The following ABHD17B variants were observed in gnomAD, a reference collection of about 807,000 sequenced individuals.
The protein encoded by ABHD17B is alpha/beta hydrolase domain-containing protein 17B.
A neutral mutation model predicts 26.2 loss-of-function variants in ABHD17B; 9 were observed. The ratio of observed to expected loss-of-function variants is 0.34; its 90% CI spans 0.21 to 0.60. The LOEUF (loss-of-function observed/expected upper bound fraction) is 0.60, where lower values mean the gene tolerates loss of function less well. Ranked by LOEUF, ABHD17B falls within the 20% of genes least tolerant of loss-of-function variation. The pLI, the probability that ABHD17B is intolerant of heterozygous loss-of-function variation, is 0.80. For missense variants in ABHD17B, 224 were observed against 352.1 expected, an observed-to-expected ratio of 0.64 and a Z score of 2.91; for synonymous variants, 127 against 122.3, an observed-to-expected ratio of 1.04 and a Z score of -0.25.
intron 1 of ABHD17B, 147 bp from the exon 2 acceptor site, chr9:71,875,230 C>CTT (rs5898234): frequency 0.088 from 40,642 of 459,686 alleles, 2 homozygotes; most frequent in Middle Eastern, 0.11. Context: ...TTTTTGGCTT[C>CTT]TTTTTTTTTT....
rs1191236747 is a variant in ABHD17B at position 71,870,134 on chromosome 9, C to T, written c.596G>A (p.Arg199Gln). Residue 199 changes from arginine (R) to glutamine (Q), a missense_variant, in exon 3 of 4, where the codon CGA (arginine) becomes CAA (glutamine). Coordinates refer to ENST00000333421, the MANE Select transcript of ABHD17B (RefSeq NM_001025780.3). ...ILHSPLTSGM[R>Q]VAFPDTKKTY... ...CTTCTTGGTATCAGGAAAGGCAACT[C>T]GCATTCCCGAAGTCAGAGGAGAATG... 1.9e-6 allele frequency: 3 copies of T among 1,613,698 alleles called. No individual in the cohort carries two copies. The highest frequency in any genetic ancestry group is 2.5e-6 in the Non-Finnish European group (3 of 1,179,918).
At chr9:71,907,717 G>A (rs1256590470) in intron 1 of ABHD17B, among the ~76,000 whole-genome samples, 1 of 152,098 alleles carries the variant, frequency 6.6e-6, no homozygotes, top group Non-Finnish European at 1.5e-5. Flanking sequence ...CTCCATGTTG[G>A]TCAGGCTGGT....
chr9:71,864,463 C>A (rs1033836568), downstream of ABHD17B, among the ~76,000 whole-genome samples: 15 of 152,072 alleles, frequency 9.9e-5, no homozygotes, highest in African/African-American at 3.1e-4. Context: ...TCGTGATCCA[C>A]CTGCCTCAGC....
chr9:71,894,233 T>C (rs1217818094), intron 1 of ABHD17B, among the ~76,000 whole-genome samples: 1 of 152,148 alleles, frequency 6.6e-6, no homozygotes, highest in Non-Finnish European at 1.5e-5. Flanking sequence ...TGTCCTTTCA[T>C]CTACTGATGT....
chr9:71,885,329 G>A (rs1035249018), intron 1 of ABHD17B, among the ~76,000 whole-genome samples: 6 of 151,734 alleles, frequency 4.0e-5, no homozygotes, highest in Non-Finnish European at 7.4e-5. Flanking sequence ...GCGTGGAGGC[G>A]TACACCTGTC....
chr9:71,865,081 C>A (rs377356028), downstream of ABHD17B: 17 of 881,904 alleles, frequency 1.9e-5, no homozygotes, highest in Non-Finnish European at 2.3e-5. Context: ...CCTATAAAAA[C>A]GAAGGGTAAT....
intron 2 of ABHD17B, among the ~76,000 whole-genome samples, chr9:71,874,132 C>G (rs1291531244): frequency 6.6e-6 from 1 of 151,954 alleles, no homozygotes; most frequent in Non-Finnish European, 1.5e-5. Flanking sequence ...ATATCACACT[C>G]CAATAAGAAA....
chr9:71,878,216 C>G (rs2132147949), intron 1 of ABHD17B, among the ~76,000 whole-genome samples: 1 of 151,662 alleles, frequency 6.6e-6, no homozygotes, highest in East Asian at 1.9e-4. Context: ...AAACTCATGC[C>G]AGACGCAGTG....
At chr9:71,883,579 C>T (rs1041175581) in intron 1 of ABHD17B, among the ~76,000 whole-genome samples, 3 of 152,280 alleles carry the variant, frequency 2.0e-5, no homozygotes, top group Admixed American at 6.5e-5. Context: ...CTAATTTTTA[C>T]ACAATCCACA....
chr9:71,892,221 G>A (rs1826805470), intron 1 of ABHD17B, among the ~76,000 whole-genome samples: 2 of 152,014 alleles, frequency 1.3e-5, no homozygotes, highest in Admixed American at 6.6e-5. Flanking sequence ...GGTTTTCAAA[G>A]TTGTTCCGGC....
intron 1 of ABHD17B, among the ~76,000 whole-genome samples, chr9:71,902,186 G>A (rs1827163737): frequency 6.6e-6 from 1 of 152,028 alleles, no homozygotes; most frequent in Non-Finnish European, 1.5e-5. Flanking sequence ...CTTCCGTAGG[G>A]GGCAAAAACA....
In ABHD17B at chr9:71,866,982, G is replaced by A. The variant is rs1316680567; in HGVS notation, c.672C>T (p.Thr224=). 9.3e-6 allele frequency: 15 copies of A among 1,614,012 alleles called. No individual in the cohort carries two copies. The highest frequency in any genetic ancestry group is 1.3e-5 in the Non-Finnish European group (15 of 1,179,990). The part of the protein sequence containing the change: ...FPNIDKISKI[T]SPVLIIHGTE... ...TCCCATGAATTATTAATACTGGAGA[G>A]GTTATCTTAGAGATTTTGTCAATGC... Residue 224 remains threonine, a synonymous_variant, in exon 4 of 4, where the codon ACC becomes ACT. Transcript: ENST00000333421.
intron 1 of ABHD17B, among the ~76,000 whole-genome samples, chr9:71,893,628 C>T (rs1401149165): frequency 1.3e-5 from 2 of 152,216 alleles, no homozygotes; most frequent in Non-Finnish European, 2.9e-5. Context: ...TTGATTAAAT[C>T]ACTGGCTGTT....
downstream of ABHD17B, among the ~76,000 whole-genome samples, chr9:71,863,181 T>TA (rs1192344440): frequency 2.0e-5 from 3 of 152,200 alleles, no homozygotes; most frequent in East Asian, 5.8e-4. Context: ...ACTATCAAAA[T>TA]TGTACTATGT....
chr9:71,883,894 A>G (rs2132162269), intron 1 of ABHD17B, among the ~76,000 whole-genome samples: 1 of 152,220 alleles, frequency 6.6e-6, no homozygotes, highest in South Asian at 2.1e-4. Flanking sequence ...CCGAGATTGC[A>G]TCATTGCACT....
Position 71,866,802 on chromosome 9 carries a change from T to A in ABHD17B, c.852A>T (p.Glu284Asp). The change falls in exon 4 of 4, where the codon GAA becomes GAT. Residue 284 changes from glutamate to aspartate, a missense_variant. Coordinates refer to ENST00000333421, the MANE Select transcript of ABHD17B (RefSeq NM_001025780.3). ...LERLKQFVSQ[E>D]LVNL Reference sequence around the variant, plus strand: ...ACAGAATATTTTACAAATTTACCAGTTCCTGTGACACAAACTGTTTCAACC... The same window carrying A: ...ACAGAATATTTTACAAATTTACCAGATCCTGTGACACAAACTGTTTCAACC... The A allele has an allele frequency of 6.2e-7, 1 of 1,614,028 alleles. No individual in the cohort carries two copies. Among genetic ancestry groups the A allele is most frequent in the East Asian group, 2.2e-5 (1 of 44,896 alleles).
At position 71,866,621 on chromosome 9, in the gene ABHD17B, G is replaced by C; in HGVS notation, c.*166C>G. On this transcript the variant is annotated 3_prime_UTR_variant, in exon 4 of 4. Transcript: ENST00000333421. The stretch of plus-strand genomic sequence containing the variant: ...ACGGTACTGTTATTTCCAGTTTTTA[G>C]TTCTGGTAATTAAAACCTTCATTAA... 7.0e-7 allele frequency: 1 copy of C among 1,437,272 alleles called. No homozygotes were observed. Among genetic ancestry groups the C allele is most frequent in the South Asian group, 1.5e-5 (1 of 65,568 alleles). 89.0% of individuals were successfully genotyped at this position (1,437,272 alleles called of 1,614,324 possible).
intron 1 of ABHD17B, among the ~76,000 whole-genome samples, chr9:71,898,469 T>TAAAA (rs1302487869): frequency 1.0e-4 from 11 of 104,998 alleles, no homozygotes; most frequent in Non-Finnish European, 1.4e-4. Flanking sequence ...CCATCTCTAC[T>TAAAA]AAAAAAAAAA....
chr9:71,873,852 T>G (rs965418721), intron 2 of ABHD17B, among the ~76,000 whole-genome samples: 24 of 152,304 alleles, frequency 1.6e-4, no homozygotes, highest in Admixed American at 3.9e-4. Flanking sequence ...TTTTTAAACT[T>G]GATATAATCT....
Sources: gnomAD v4.1 joint callset for allele counts (sites outside exome capture counted in the v4.1 genomes callset) on GRCh38, gnomAD v4.1.1 for gene constraint, MANE v1.5 for transcripts, NCBI Gene and HGNC (gene_info 2026-07-23, HGNC 2026-07-21) for gene names.